The following SIPA1L2 variants were observed in gnomAD, a reference collection of about 807,000 sequenced individuals.
SIPA1L2 encodes signal-induced proliferation-associated 1-like protein 2.
A neutral mutation model predicts 163.9 loss-of-function variants in SIPA1L2; 56 were observed. The ratio of observed to expected loss-of-function variants is 0.34; its 90% CI spans 0.28 to 0.43. SIPA1L2 has a LOEUF of 0.43. Among genes scored for constraint, SIPA1L2 ranks in the 20% least tolerant of loss-of-function variants. The pLI is 1.00. For missense variants in SIPA1L2, 1,974 were observed against 2,193.5 expected, an observed-to-expected ratio of 0.90 and a Z score of 2.00; for synonymous variants, 877 against 865.7, an observed-to-expected ratio of 1.01 and a Z score of -0.23.
chr1:232,626,778 G>C (rs990218193), intron 1 of SIPA1L2, among the ~76,000 whole-genome samples: 1 of 152,124 alleles, frequency 6.6e-6, no homozygotes, highest in Non-Finnish European at 1.5e-5. Context: ...ATCCCAGTCA[G>C]ACAGGCATTT....
chr1:232,412,099 C>G (rs1660989053), intron 19 of SIPA1L2, among the ~76,000 whole-genome samples: 2 of 152,216 alleles, frequency 1.3e-5, no homozygotes, highest in South Asian at 4.1e-4. Context: ...AATTTGGTGC[C>G]TCTGCTCTAA....
chr1:232,490,704 C>T, intron 5 of SIPA1L2, 170 bp downstream of exon 5: 1 of 683,220 alleles, frequency 1.5e-6, no homozygotes, highest in Non-Finnish European at 2.4e-6. Context: ...ACTATAATGG[C>T]ATCATGTTTC....
chr1:232,627,656 CT>C (rs1663153760), intron 1 of SIPA1L2, among the ~76,000 whole-genome samples: 1 of 152,124 alleles, frequency 6.6e-6, no homozygotes, highest in Non-Finnish European at 1.5e-5. Flanking sequence ...ACAATTAAAG[CT>C]CTTTGAGAAA....
At chr1:232,583,515 T>C (rs1350728874) in intron 1 of SIPA1L2, among the ~76,000 whole-genome samples, 1 of 152,202 alleles carries the variant, frequency 6.6e-6, no homozygotes, top group Non-Finnish European at 1.5e-5. Context: ...AAAACCATAG[T>C]GTCCTCCATT....
At chr1:232,550,338 C>A (rs528074529) in intron 2 of SIPA1L2, among the ~76,000 whole-genome samples, 1 of 152,140 alleles carries the variant, frequency 6.6e-6, no homozygotes, top group Admixed American at 6.5e-5. Flanking sequence ...TATCCAGCCA[C>A]CCACCGCAAG....
At position 232,441,776 on chromosome 1, in the gene SIPA1L2, C is replaced by G. The variant is rs901604617; in HGVS notation, c.3530G>C (p.Arg1177Thr). The stretch of plus-strand genomic sequence containing the variant: ...CAGGAGTTCCTTATTACCCGGGTGC[C>G]TGCTTGCTTCCATGGTGTCTTCCCT... ...REREDTMEAS[R>T]HPETKWHGPP... Residue 1177 changes from arginine to threonine, a missense_variant, in exon 13 of 23, where the codon AGG (arginine) becomes ACG (threonine). Arg to Thr is a moderately conservative substitution (Grantham distance 71). Transcript: ENST00000674635. 18 of 1,613,748 alleles carry G rather than the reference C, an allele frequency of 1.1e-5. No homozygotes were observed. The highest frequency in any genetic ancestry group is 1.4e-5 in the Non-Finnish European group (16 of 1,179,918).
At chr1:232,593,986 C>T (rs1280642174) in intron 1 of SIPA1L2, among the ~76,000 whole-genome samples, 1 of 152,222 alleles carries the variant, frequency 6.6e-6, no homozygotes, top group African/African-American at 2.4e-5. Context: ...TGGCTCCTGC[C>T]CTCCTGCCCA....
At chr1:232,529,169 T>G (rs908571429) in intron 2 of SIPA1L2, among the ~76,000 whole-genome samples, 1 of 152,200 alleles carries the variant, frequency 6.6e-6, no homozygotes, top group African/African-American at 2.4e-5. Context: ...GGTGTCTCAG[T>G]TGGGCTGAAA....
intron 3 of SIPA1L2, among the ~76,000 whole-genome samples, chr1:232,497,791 G>C (rs1666272089): frequency 6.6e-6 from 1 of 152,168 alleles, no homozygotes. Flanking sequence ...ACTCCAGCTT[G>C]ATTCTGTCTC....
In SIPA1L2 at chr1:232,514,454, G is replaced by T; in HGVS notation, c.886C>A (p.Arg296=). ...SVETSLFRKL[R]TVKSEHETFK... ...GTTTCGTGCTCACTTTTAACAGTTC[G>T]AAGCTTTCGGAAGAGAGATGTTTCC... is the stretch of plus-strand genomic sequence containing the variant. The change falls in exon 3 of 23, where the codon CGA becomes AGA. Residue 296 remains arginine, a synonymous_variant. Transcript: ENST00000674635. 6.2e-7 allele frequency: 1 copy of T among 1,614,190 alleles called. No homozygotes were observed. The highest frequency in any genetic ancestry group is 8.5e-7 in the Non-Finnish European group (1 of 1,180,048).
At chr1:232,517,324 G>A (rs1374977636) in intron 2 of SIPA1L2, among the ~76,000 whole-genome samples, 2 of 152,088 alleles carry the variant, frequency 1.3e-5, no homozygotes, top group Non-Finnish European at 2.9e-5. Flanking sequence ...TACAGCACAA[G>A]GGAGTCAAAA....
At chr1:232,595,478 C>A (rs992443520) in intron 1 of SIPA1L2, among the ~76,000 whole-genome samples, 5 of 152,332 alleles carry the variant, frequency 3.3e-5, no homozygotes, top group African/African-American at 1.2e-4. Context: ...GTCACTGCTG[C>A]ACCGGGCGGC....
chr1:232,461,042 G>C lies in SIPA1L2; in HGVS notation c.2940C>G (p.Ala980=). The change falls in exon 10 of 23, where the codon GCC becomes GCG. Residue 980 remains alanine (A), a synonymous_variant. Transcript: ENST00000674635. ...IVADVEPFGF[A]WKAGLRQGSR... ...TCCCTTGGCGAAGGCCAGCCTTCCA[G>C]GCAAAGCCAAAAGGTTCCACATCTG... 6.2e-7 allele frequency: 1 copy of C among 1,614,274 alleles called. No homozygotes were observed.
chr1:232,482,863 C>T (rs1482744119), intron 6 of SIPA1L2, among the ~76,000 whole-genome samples: 1 of 152,200 alleles, frequency 6.6e-6, no homozygotes, highest in Non-Finnish European at 1.5e-5. Context: ...CAGAAAACTT[C>T]CACTTCACCA....
At chr1:232,439,860 A>C (rs1662787442) in intron 14 of SIPA1L2, among the ~76,000 whole-genome samples, 1 of 152,226 alleles carries the variant, frequency 6.6e-6, no homozygotes, top group Non-Finnish European at 1.5e-5. Context: ...CCACTTATTA[A>C]GAAAATGCTT....
At chr1:232,495,443 T>A (rs540931610) in intron 3 of SIPA1L2, among the ~76,000 whole-genome samples, 2 of 151,664 alleles carry the variant, frequency 1.3e-5, no homozygotes, top group African/African-American at 4.9e-5. Context: ...CAGGTGCCTA[T>A]AGTCCCAGCT....
At chr1:232,576,621 G>A (rs1334727207) in intron 1 of SIPA1L2, among the ~76,000 whole-genome samples, 5 of 152,126 alleles carry the variant, frequency 3.3e-5, no homozygotes, top group African/African-American at 7.2e-5. Flanking sequence ...AAAACCAGAA[G>A]CAATTAAGCT....
intron 3 of SIPA1L2, among the ~76,000 whole-genome samples, chr1:232,506,465 A>G (rs958298614): frequency 6.6e-6 from 1 of 152,118 alleles, no homozygotes; most frequent in Non-Finnish European, 1.5e-5. Flanking sequence ...ACAGACCTCT[A>G]TTTACCAAGA....
intron 1 of SIPA1L2, among the ~76,000 whole-genome samples, chr1:232,600,627 A>G (rs1661542679): frequency 6.6e-6 from 1 of 152,188 alleles, no homozygotes; most frequent in Admixed American, 6.5e-5. Flanking sequence ...AACCTAAATT[A>G]AGGAGCGTGC....
Sources: gnomAD v4.1 joint callset for allele counts (sites outside exome capture counted in the v4.1 genomes callset) on GRCh38, gnomAD v4.1.1 for gene constraint, MANE v1.5 for transcripts, NCBI Gene and HGNC (gene_info 2026-07-23, HGNC 2026-07-21) for gene names.